Variants in IGSF11 observed in about 807,000 individuals in gnomAD.
IGSF11 encodes the protein immunoglobulin superfamily member 11.
IGSF11 carries 22 observed loss-of-function variants against 41.0 expected under a neutral mutation model. The observed-to-expected ratio is 0.54, with a 90% CI of 0.38 to 0.77. The LOEUF (loss-of-function observed/expected upper bound fraction) is 0.77, where lower values mean the gene tolerates loss of function less well. Ranked by LOEUF, IGSF11 falls within the 30% of genes least tolerant of loss-of-function variation. The probability of loss-of-function intolerance (pLI) is 0.00; values close to 1 mark genes in which losing one functional copy is unlikely to be tolerated. For missense variants in IGSF11, 444 were observed against 530.8 expected (o/e 0.84, Z 1.61); for synonymous variants, 219 against 201.3 (o/e 1.09, Z -0.74).
chr3:118,927,674 T>C (rs1261318444), intron 3 of IGSF11, among the ~76,000 whole-genome samples: 1 of 152,164 alleles, frequency 6.6e-6, no homozygotes, highest in Non-Finnish European at 1.5e-5. Context: ...GAGTAGATTC[T>C]GAGACTTGAG....
intron 1 of IGSF11, among the ~76,000 whole-genome samples, chr3:119,139,538 G>A (rs978848798): frequency 6.6e-6 from 1 of 152,150 alleles, no homozygotes; most frequent in African/African-American, 2.4e-5. Flanking sequence ...CCCTGCACAA[G>A]CTCTCTCTTT....
chr3:119,047,178 T>C (rs1941393099), intron 1 of IGSF11, among the ~76,000 whole-genome samples: 1 of 149,996 alleles, frequency 6.7e-6, no homozygotes, highest in Non-Finnish European at 1.5e-5. Context: ...GACTAAATGC[T>C]CCAATTAAAA....
chr3:118,911,649 A>AG (rs1559879958), intron 4 of IGSF11, among the ~76,000 whole-genome samples: 4 of 151,086 alleles, frequency 2.6e-5, no homozygotes, highest in African/African-American at 9.7e-5. Context: ...AAAATGAGAG[A>AG]AGAGAGAGAG....
intron 1 of IGSF11, among the ~76,000 whole-genome samples, chr3:119,120,855 T>G (rs577468251): frequency 6.6e-6 from 1 of 152,318 alleles, no homozygotes; most frequent in Admixed American, 6.5e-5. Flanking sequence ...TAACTATGAC[T>G]TACTCTTCAG....
At chr3:119,127,532 C>A (rs542217360) in intron 1 of IGSF11, among the ~76,000 whole-genome samples, 1 of 152,144 alleles carries the variant, frequency 6.6e-6, no homozygotes, top group Non-Finnish European at 1.5e-5. Flanking sequence ...TGCCAACATG[C>A]AAATTCAGGA....
upstream of IGSF11, among the ~76,000 whole-genome samples, chr3:119,108,363 G>T (rs1273162005): frequency 7.0e-6 from 1 of 142,100 alleles, no homozygotes; most frequent in African/African-American, 2.6e-5. Context: ...GTGAATGGGA[G>T]TTCACTCATG....
intron 1 of IGSF11, among the ~76,000 whole-genome samples, chr3:119,019,537 C>G (rs555945784): frequency 6.6e-6 from 1 of 151,842 alleles, no homozygotes; most frequent in South Asian, 2.1e-4. Flanking sequence ...AGATTTCTTT[C>G]CCCTTGTCCT....
intron 1 of IGSF11, among the ~76,000 whole-genome samples, chr3:119,093,654 G>A (rs967730157): frequency 3.9e-5 from 6 of 152,154 alleles, no homozygotes; most frequent in African/African-American, 1.2e-4. Context: ...AGCTTTGACA[G>A]TCAAAAAGCT....
chr3:119,042,619 G>C (rs372405724), intron 1 of IGSF11, among the ~76,000 whole-genome samples: 89 of 152,170 alleles, frequency 5.8e-4, no homozygotes, highest in African/African-American at 2.0e-3. Flanking sequence ...AGCAAGCCCC[G>C]TCCAAGAAAA....
chr3:119,135,329 T>C (rs1249623035), intron 1 of IGSF11, among the ~76,000 whole-genome samples: 2 of 152,212 alleles, frequency 1.3e-5, no homozygotes, highest in Non-Finnish European at 2.9e-5. Context: ...AAAGGGCTAA[T>C]ATCCAGAATC....
At chr3:119,053,965 T>A (rs1023644385) in intron 1 of IGSF11, among the ~76,000 whole-genome samples, 7 of 152,304 alleles carry the variant, frequency 4.6e-5, no homozygotes, top group African/African-American at 1.7e-4. Flanking sequence ...GCAAGCCACA[T>A]GTAGAAGAAT....
At chr3:119,142,503 A>ATT (rs2077663409) in intron 1 of IGSF11, among the ~76,000 whole-genome samples, 1 of 152,186 alleles carries the variant, frequency 6.6e-6, no homozygotes, top group Admixed American at 6.5e-5. Flanking sequence ...CTGTCTTAAA[A>ATT]ATGTTCAAAG....
chr3:119,099,169 G>A (rs770069296), intron 1 of IGSF11, among the ~76,000 whole-genome samples: 2 of 152,176 alleles, frequency 1.3e-5, no homozygotes, highest in South Asian at 2.1e-4. Flanking sequence ...CAATGTTTGC[G>A]GATAATCCCT....
intron 1 of IGSF11, among the ~76,000 whole-genome samples, chr3:119,006,053 G>C (rs1333152954): frequency 9.0e-6 from 1 of 110,930 alleles, no homozygotes; most frequent in Admixed American, 9.2e-5. Context: ...ATATCCTGCA[G>C]AGTGTTTTCC....
At position 118,905,596 on chromosome 3, in the gene IGSF11, G is replaced by A. The variant is rs771257823; in HGVS notation, c.703C>T (p.Pro235Ser). ...TCLLDLQVIS[P>S]QPRNIGLIAG... Reference sequence around the variant, plus strand: ...GACATCAGAATTTCCATATGCTTACGTGAAATAACCTGGAGATCCAGAAGA... The same window carrying A: ...GACATCAGAATTTCCATATGCTTACATGAAATAACCTGGAGATCCAGAAGA... The change falls in exon 5 of 7, where the codon CCC becomes TCC. Residue 235 changes from proline to serine, a missense_variant and splice_region_variant. Physicochemically the swap from Pro to Ser is moderately conservative, Grantham distance 74. This residue lies in a region of IGSF11 where 193 missense variants were observed against 283.5 expected (regional missense o/e 0.68). Transcript: ENST00000393775. 1.7e-5 allele frequency: 27 copies of A among 1,613,560 alleles called. No individual in the cohort carries two copies. Among genetic ancestry groups the A allele is most frequent in the African/African-American group, 5.3e-5 (4 of 74,880 alleles).
At chr3:119,102,193 G>A (rs536223771) in intron 1 of IGSF11, among the ~76,000 whole-genome samples, 1 of 152,238 alleles carries the variant, frequency 6.6e-6, no homozygotes, top group Non-Finnish European at 1.5e-5. Flanking sequence ...CCATTTATCT[G>A]TGGTTGTTGA....
chr3:118,959,331 T>A lies in IGSF11; in HGVS notation c.53-29056A>T, dbSNP rs141073398. Among the ~76,000 whole-genome samples the A allele has an allele frequency of 5.3e-5, 8 of 152,286 alleles. No homozygotes were observed. In the East Asian group the frequency reaches 1.2e-3, roughly 22 times the overall value. ...ATGTCAGAAAAGGAAGAGATAGACA[T>A]GGCTTGGCTCAAAAGGGAAAGACTG... On this transcript the variant is annotated intron_variant, in intron 1 of 6. Coordinates refer to ENST00000393775, the MANE Select transcript of IGSF11 (RefSeq NM_001015887.3).
chr3:118,908,178 A>T (rs1444093537), intron 4 of IGSF11, among the ~76,000 whole-genome samples: 5 of 152,216 alleles, frequency 3.3e-5, no homozygotes. Context: ...TCCTCTACGC[A>T]GCATTCTGGC....
At chr3:119,122,059 T>C (rs956854108) in intron 1 of IGSF11, among the ~76,000 whole-genome samples, 1 of 152,136 alleles carries the variant, frequency 6.6e-6, no homozygotes, top group African/African-American at 2.4e-5. Context: ...TTAACAAGTA[T>C]CTACACAAAA....
Sources: gnomAD v4.1 joint callset for allele counts (sites outside exome capture counted in the v4.1 genomes callset) on GRCh38, gnomAD v4.1.1 for gene constraint, gnomAD v4.1.1 regional missense constraint, MANE v1.5 for transcripts, NCBI Gene and HGNC (gene_info 2026-07-23, HGNC 2026-07-21) for gene names.